CASZ1: variants seen among roughly 807,000 people sequenced by gnomAD.
The protein encoded by CASZ1 is castor zinc finger 1, also known as zinc finger protein castor homolog 1.
Under a neutral mutation model 135.2 loss-of-function variants are expected in CASZ1, and 28 were observed. The observed-to-expected ratio is 0.21, with a 90% CI of 0.15 to 0.28. The LOEUF (loss-of-function observed/expected upper bound fraction) is 0.28. Ranked by LOEUF, CASZ1 falls within the 10% of genes least tolerant of loss-of-function variation. The pLI is 1.00. For missense variants in CASZ1, 2,161 were observed against 2,453.3 expected (o/e 0.88, Z 2.52); for synonymous variants, 1,068 against 1,073.4 (o/e 0.99, Z 0.10).
Position 10,694,430 on chromosome 1 carries a change from T to C in CASZ1, c.-23-518A>G. 2.3e-6 allele frequency: 1 copy of C among 439,648 alleles called. No homozygotes were observed. The highest frequency in any genetic ancestry group is 3.3e-6 in the Non-Finnish European group (1 of 300,864). 27.2% of individuals were successfully genotyped at this position (439,648 alleles called of 1,614,324 possible). On this transcript the variant is annotated intron_variant, in intron 3 of 20. Coordinates refer to ENST00000377022, the MANE Select transcript of CASZ1 (RefSeq NM_001079843.3). The surrounding 1 kb of genome is among the most constrained non-coding windows in gnomAD (Gnocchi z 6.6). The stretch of plus-strand genomic sequence containing the variant: ...GCCCTGATGTCATTGCTCCTGCCGG[T>C]AACACTCAGGGTAACAGTTTGGCAG...
intron 1 of CASZ1, among the ~76,000 whole-genome samples, chr1:10,761,982 T>C (rs958495735): frequency 1.8e-4 from 28 of 152,050 alleles, no homozygotes; most frequent in African/African-American, 6.3e-4. Flanking sequence ...TCCTGAAGCG[T>C]GTGAGCGGGC....
chr1:10,706,456 C>G lies in CASZ1; in HGVS notation c.-76-912G>C, dbSNP rs1390054495. Reference sequence around the variant, plus strand: ...CTGTTACGTTTTCTTCTCCCCCTCCCTCATTTGTGGCTTATCAATGATGCA... The same window carrying G: ...CTGTTACGTTTTCTTCTCCCCCTCCGTCATTTGTGGCTTATCAATGATGCA... On this transcript the variant is annotated intron_variant, in intron 2 of 20. Transcript: ENST00000377022. The surrounding 1 kb of genome is among the most constrained non-coding windows in gnomAD (Gnocchi z 4.3). Among the ~76,000 whole-genome samples the G allele has an allele frequency of 1.3e-5, 2 of 152,186 alleles. No individual in the cohort carries two copies. Among genetic ancestry groups the G allele is most frequent in the African/African-American group, 4.8e-5 (2 of 41,446 alleles).
Position 10,697,446 on chromosome 1 carries a change from T to C in CASZ1, c.-23-3534A>G, listed in dbSNP as rs959781720. 6.6e-6 allele frequency among the ~76,000 whole-genome samples: 1 copy of C among 152,058 alleles called. No individual in the cohort carries two copies. Among genetic ancestry groups the C allele is most frequent in the Non-Finnish European group, 1.5e-5 (1 of 68,008 alleles). On this transcript the variant is annotated intron_variant, in intron 3 of 20. Transcript: ENST00000377022. The surrounding 1 kb of genome is among the most constrained non-coding windows in gnomAD (Gnocchi z 4.7). The stretch of plus-strand genomic sequence containing the variant: ...ATCTTGAGTCCCTGGGCCCAGAGCC[T>C]CTAGCTCCTCCTGAGACAACCCACT...
At chr1:10,677,494 C>T (rs564355380) in intron 4 of CASZ1, among the ~76,000 whole-genome samples, 1 of 152,296 alleles carries the variant, frequency 6.6e-6, no homozygotes, top group East Asian at 1.9e-4. Flanking sequence ...GCAAGTGGCT[C>T]TGGCTGGACA....
intron 3 of CASZ1, among the ~76,000 whole-genome samples, chr1:10,696,193 A>C (rs1638930308): frequency 6.6e-6 from 1 of 152,010 alleles, no homozygotes; most frequent in South Asian, 2.1e-4. Flanking sequence ...TATAGTTCTA[A>C]ATGGCCTCTC....
At chr1:10,681,724 C>T (rs1638426586) in intron 4 of CASZ1, among the ~76,000 whole-genome samples, 2 of 152,226 alleles carry the variant, frequency 1.3e-5, no homozygotes, top group South Asian at 2.1e-4. Context: ...GCTTCTGGAG[C>T]TCGTTAGGGT....
chr1:10,763,727 C>G (rs1016384625), intron 1 of CASZ1, among the ~76,000 whole-genome samples: 3 of 152,204 alleles, frequency 2.0e-5, no homozygotes. Flanking sequence ...GCGTCTCCAG[C>G]ATCTAGCACA....
chr1:10,730,831 G>A (rs911252060), intron 2 of CASZ1, among the ~76,000 whole-genome samples: 1 of 152,178 alleles, frequency 6.6e-6, no homozygotes, highest in Non-Finnish European at 1.5e-5. Context: ...ATATAGGCTG[G>A]GTATGGTGGC....
chr1:10,781,982 C>G (rs1640770815), intron 1 of CASZ1, among the ~76,000 whole-genome samples: 1 of 152,358 alleles, frequency 6.6e-6, no homozygotes, highest in Non-Finnish European at 1.5e-5. Flanking sequence ...CCAGCCTTTT[C>G]CAGAAAGAGT....
In CASZ1 at chr1:10,724,445, CG is replaced by C; in HGVS notation, c.-76-18902del. Among the ~76,000 whole-genome samples, 1 of 152,282 alleles carries C rather than the reference CG, an allele frequency of 6.6e-6. No individual in the cohort carries two copies. Among genetic ancestry groups the C allele is most frequent in the Non-Finnish European group, 1.5e-5 (1 of 68,026 alleles). On this transcript the variant is annotated intron_variant, in intron 2 of 20. Coordinates refer to ENST00000377022, the MANE Select transcript of CASZ1 (RefSeq NM_001079843.3). This position sits in a 1 kb window ranked among gnomAD's most constrained non-coding sequence, Gnocchi z 4.1. Reference sequence around the variant, plus strand: ...ATAAGGTAACCTGAGCTATTAAACCCGGGGGCCAGGTGGTACCTACCAGCTG... The same window carrying C: ...ATAAGGTAACCTGAGCTATTAAACCCGGGGCCAGGTGGTACCTACCAGCTG...
chr1:10,646,842 T>A lies in CASZ1; in HGVS notation c.3498-516A>T, dbSNP rs1032886988. ...GTGTCAGCTCCTGGGGGCTCACAGC[T>A]GCTGGGCTCCCCAGGATCAACTCGG... is the stretch of plus-strand genomic sequence containing the variant. On this transcript the variant is annotated intron_variant, in intron 16 of 20. Coordinates refer to ENST00000377022, the MANE Select transcript of CASZ1 (RefSeq NM_001079843.3). This position sits in a 1 kb window ranked among gnomAD's most constrained non-coding sequence, Gnocchi z 6.4. Among the ~76,000 whole-genome samples, 8 of 152,138 alleles carry A rather than the reference T, an allele frequency of 5.3e-5. 1 individual carries two copies. Among genetic ancestry groups the A allele is most frequent in the African/African-American group, 7.2e-5 (3 of 41,416 alleles).
rs938629022 is a variant in CASZ1, at chr1:10,719,823, G to A, written c.-76-14279C>T. Reference sequence around the variant, plus strand: ...GGGGGATCCCCACAGGCCTGGAACAGGCACCTCCGGGGTTCAAAGGCCCAC... The same window carrying A: ...GGGGGATCCCCACAGGCCTGGAACAAGCACCTCCGGGGTTCAAAGGCCCAC... On this transcript the variant is annotated intron_variant, in intron 2 of 20. Transcript: ENST00000377022. The surrounding 1 kb of genome is among the most constrained non-coding windows in gnomAD (Gnocchi z 4.0). Among the ~76,000 whole-genome samples, 7 of 152,268 alleles carry A rather than the reference G, an allele frequency of 4.6e-5. No individual in the cohort carries two copies. Among genetic ancestry groups the A allele is most frequent in the African/African-American group, 1.4e-4 (6 of 41,478 alleles).
In CASZ1 at chr1:10,660,096, TGAA is replaced by T. The variant is rs1260320557; in HGVS notation, c.943_945del (p.Phe315del). The T allele has an allele frequency of 2.5e-6, 4 of 1,614,166 alleles. No homozygotes were observed. Among genetic ancestry groups the T allele is most frequent in the East Asian group, 2.2e-5 (1 of 44,876 alleles). ...TTCTCGCCGGTCTTCAGTTTTTGGA[TGAA>T]GAAGTCGTACTTGGAGGCCCGGGCT... On this transcript the variant is annotated inframe_deletion, in exon 6 of 21. Coordinates refer to ENST00000377022, the MANE Select transcript of CASZ1 (RefSeq NM_001079843.3).
chr1:10,685,502 C>CGG (rs1638557399), intron 4 of CASZ1, among the ~76,000 whole-genome samples: 1 of 152,166 alleles, frequency 6.6e-6, no homozygotes, highest in Non-Finnish European at 1.5e-5. Flanking sequence ...CACCTTCCTC[C>CGG]CTCTCTCTCT....
At position 10,639,394 on chromosome 1, in the gene CASZ1, G is replaced by T; in HGVS notation, c.4828C>A (p.Pro1610Thr). 1 of 1,546,226 alleles carries T rather than the reference G, an allele frequency of 6.5e-7. No individual in the cohort carries two copies. The highest frequency in any genetic ancestry group is 8.7e-7 in the Non-Finnish European group (1 of 1,146,032). Residue 1610 changes from proline to threonine, a missense_variant, in exon 21 of 21, where the codon CCC (proline) becomes ACC (threonine). Pro to Thr is a conservative substitution (Grantham distance 38, BLOSUM62 -1). This residue lies in a region of CASZ1 where 240 missense variants were observed against 321.4 expected (regional missense o/e 0.75). Transcript: ENST00000377022. The surrounding 1 kb of genome is among the most constrained non-coding windows in gnomAD (Gnocchi z 4.0). Reference sequence around the variant, plus strand: ...CCGTCCAGACTGATGGGAGGCCCGGGCGCGGGGCCCTCTGCCGCGGGCTCG... The same window carrying T: ...CCGTCCAGACTGATGGGAGGCCCGGTCGCGGGGCCCTCTGCCGCGGGCTCG... ...RGEPAAEGPA[P>T]GPPISLDGSL...
At chr1:10,714,431 G>A (rs1639342263) in intron 2 of CASZ1, among the ~76,000 whole-genome samples, 1 of 152,260 alleles carries the variant, frequency 6.6e-6, no homozygotes, top group Admixed American at 6.5e-5. Context: ...AGACTCGGCA[G>A]TGGCTCTGCT....
At chr1:10,648,202 AT>A (rs2124674529) in intron 15 of CASZ1, 63 bp from the exon 16 acceptor site, 2 of 1,193,290 alleles carry the variant, frequency 1.7e-6, no homozygotes, top group East Asian at 5.1e-5. Flanking sequence ...AGGGGCATGC[AT>A]GTGACCCCAT....
chr1:10,730,726 A>G (rs1418006026), intron 2 of CASZ1, among the ~76,000 whole-genome samples: 2 of 152,246 alleles, frequency 1.3e-5, no homozygotes, highest in African/African-American at 2.4e-5. Context: ...GAAAACTTAT[A>G]TCTGCCACTG....
Position 10,699,791 on chromosome 1 carries a change from T to C in CASZ1, c.-24+5701A>G, listed in dbSNP as rs1639018827. ...TCCCTTCCCCTTTGTCTCACCCTTG[T>C]AGGTTTCTCTTATCAGAAGCAGCGA... On this transcript the variant is annotated intron_variant, in intron 3 of 20. Coordinates refer to ENST00000377022, the MANE Select transcript of CASZ1 (RefSeq NM_001079843.3). The surrounding 1 kb of genome is among the most constrained non-coding windows in gnomAD (Gnocchi z 4.6). Among the ~76,000 whole-genome samples the C allele has an allele frequency of 6.6e-6, 1 of 152,164 alleles. No individual in the cohort carries two copies.
Sources: allele counts gnomAD v4.1 joint callset (sites outside exome capture counted in the v4.1 genomes callset), GRCh38; gene constraint gnomAD v4.1.1; regional missense constraint gnomAD v4.1.1; non-coding constraint Gnocchi (gnomAD v3.1); transcripts MANE v1.5; gene names NCBI Gene and HGNC (gene_info 2026-07-23, HGNC 2026-07-21).